The following RYR3 variants were observed in gnomAD, a reference collection of about 807,000 sequenced individuals.
RYR3 encodes the protein brain ryanodine receptor-calcium release channel.
In RYR3, 207 loss-of-function variants were observed where a neutral mutation model predicts 584.3. The ratio of observed to expected loss-of-function variants is 0.35; its 90% CI spans 0.32 to 0.40. The LOEUF (loss-of-function observed/expected upper bound fraction) is 0.40, where lower values mean the gene tolerates loss of function less well. Among genes scored for constraint, RYR3 ranks in the 10% least tolerant of loss-of-function variants. The pLI is 1.00. For missense variants in RYR3, 5,616 were observed against 6,089.2 expected (o/e 0.92, Z 2.59); for synonymous variants, 2,416 against 2,248.5 (o/e 1.07, Z -2.11).
chr15:33,480,677 A>G (rs1305625565), intron 2 of RYR3, among the ~76,000 whole-genome samples: 2 of 152,168 alleles, frequency 1.3e-5, no homozygotes, highest in Non-Finnish European at 2.9e-5. Context: ...ATTGTTACTA[A>G]TTTTTATTTT....
chr15:33,371,568 T>C (rs2040333264), intron 1 of RYR3, among the ~76,000 whole-genome samples: 1 of 152,204 alleles, frequency 6.6e-6, no homozygotes, highest in Non-Finnish European at 1.5e-5. Context: ...CTGTCCATGA[T>C]CTAAGCTTTA....
intron 2 of RYR3, among the ~76,000 whole-genome samples, chr15:33,493,859 A>T (rs2051183059): frequency 6.6e-6 from 1 of 152,166 alleles, no homozygotes; most frequent in South Asian, 2.1e-4. Flanking sequence ...GAGGCGGGAG[A>T]GTCTCTTGAG....
At chr15:33,433,222 G>A (rs1206443929) in intron 1 of RYR3, among the ~76,000 whole-genome samples, 2 of 152,122 alleles carry the variant, frequency 1.3e-5, no homozygotes, top group African/African-American at 2.4e-5. Flanking sequence ...GGACCGAGGG[G>A]TCCCTATACT....
intron 22 of RYR3, 93 bp from the exon 23 acceptor site, chr15:33,631,117 C>T: frequency 1.3e-6 from 1 of 768,330 alleles, no homozygotes; most frequent in Non-Finnish European, 2.1e-6. Context: ...AAATGAATGG[C>T]TCTTGTCTGT....
chr15:33,450,439 G>A (rs1257660178), intron 1 of RYR3, among the ~76,000 whole-genome samples: 9 of 152,092 alleles, frequency 5.9e-5, no homozygotes, highest in East Asian at 5.8e-4. Flanking sequence ...CGCTTCTGCC[G>A]CCCGCCCTCA....
intron 67 of RYR3, among the ~76,000 whole-genome samples, chr15:33,799,273 G>A (rs908046575): frequency 6.6e-6 from 1 of 152,148 alleles, no homozygotes; most frequent in Non-Finnish European, 1.5e-5. Context: ...TTGGAGAATG[G>A]AGACTGGTTG....
chr15:33,435,623 TTCTTGC>T (rs1387949611), intron 1 of RYR3, among the ~76,000 whole-genome samples: 2 of 152,206 alleles, frequency 1.3e-5, no homozygotes, highest in African/African-American at 2.4e-5. Context: ...TTCTCATGGG[TTCTTGC>T]TCTTGCTAAC....
chr15:33,634,971 G>A (rs549095237), intron 25 of RYR3, among the ~76,000 whole-genome samples: 1 of 152,142 alleles, frequency 6.6e-6, no homozygotes, highest in African/African-American at 2.4e-5. Context: ...TTCCCACAAC[G>A]AATAGGTTAT....
At chr15:33,613,518 A>C in intron 19 of RYR3, 143 bp downstream of exon 19, 1 of 789,566 alleles carries the variant, frequency 1.3e-6, no homozygotes, top group Non-Finnish European at 1.9e-6. Flanking sequence ...CAAGGGCAAG[A>C]GCCAACTAGA....
In RYR3 at chr15:33,636,545, A is replaced by G; in HGVS notation, c.3551A>G (p.Glu1184Gly). 1 of 1,585,614 alleles carries G rather than the reference A, an allele frequency of 6.3e-7. No individual in the cohort carries two copies. The highest frequency in any genetic ancestry group is 8.6e-7 in the Non-Finnish European group (1 of 1,167,156). Residue 1184 changes from glutamate (E) to glycine (G), a missense_variant, in exon 27 of 104, where the codon GAG (glutamate) becomes GGG (glycine). This residue lies in a region of RYR3 where 152 missense variants were observed against 200.9 expected (regional missense o/e 0.76). Coordinates refer to ENST00000634891, the MANE Select transcript of RYR3 (RefSeq NM_001036.6). ...CTTGCCTTCGCTGACTACGAGATTG[A>G]GAATGGTAAATCTAACACCCTCTGC... ...SELAFADYEI[E>G]NGFVPICCLG...
chr15:33,538,595 T>C (rs926340493), intron 5 of RYR3, among the ~76,000 whole-genome samples: 4 of 152,212 alleles, frequency 2.6e-5, no homozygotes, highest in Non-Finnish European at 4.4e-5. Context: ...GTCTTCTGGC[T>C]GTTCAGGGCA....
chr15:33,454,991 G>A (rs999990094), intron 1 of RYR3, among the ~76,000 whole-genome samples: 10 of 152,210 alleles, frequency 6.6e-5, no homozygotes, highest in African/African-American at 1.9e-4. Flanking sequence ...GCATATCACT[G>A]TGTCTGGAGC....
chr15:33,598,246 CA>C (rs35785154), intron 16 of RYR3, among the ~76,000 whole-genome samples: 39 of 74,278 alleles, frequency 5.3e-4, no homozygotes, highest in East Asian at 9.4e-4. Flanking sequence ...AAAAATTGCT[CA>C]AAAAAAAAAA....
chr15:33,736,542 C>CACTG (rs1285549772), intron 49 of RYR3, among the ~76,000 whole-genome samples: 1 of 152,160 alleles, frequency 6.6e-6, no homozygotes, highest in African/African-American at 2.4e-5. Flanking sequence ...AACTGCTTTC[C>CACTG]ACTGACTGCT....
intron 63 of RYR3, among the ~76,000 whole-genome samples, chr15:33,773,234 C>T (rs1172129852): frequency 6.6e-6 from 1 of 152,218 alleles, no homozygotes; most frequent in East Asian, 1.9e-4. Flanking sequence ...CGAACCAAAT[C>T]GCATTATGGA....
At chr15:33,464,490 A>ATATATATAGATATATATATATATATAT (rs1567295722) in intron 1 of RYR3, among the ~76,000 whole-genome samples, 1 of 58,894 alleles carries the variant, frequency 1.7e-5, no homozygotes, top group Non-Finnish European at 2.9e-5. Context: ...ATATATATAT[A>ATATATATAGATATATATATATATATAT]CACATATATA....
At chr15:33,405,158 C>G (rs1198674052) in intron 1 of RYR3, among the ~76,000 whole-genome samples, 2 of 152,102 alleles carry the variant, frequency 1.3e-5, no homozygotes, top group Non-Finnish European at 2.9e-5. Context: ...ACATATAAAA[C>G]TTTGGTTTTC....
At chr15:33,802,134 A>C (rs745908138) in intron 69 of RYR3, 173 bp downstream of exon 69, 1 of 753,784 alleles carries the variant, frequency 1.3e-6, no homozygotes, top group South Asian at 1.4e-5. Flanking sequence ...CTGCTCTCAA[A>C]TAAGCATGGT....
intron 27 of RYR3, among the ~76,000 whole-genome samples, chr15:33,640,549 T>G (rs1263422272): frequency 2.0e-5 from 3 of 152,210 alleles, no homozygotes; most frequent in Non-Finnish European, 2.9e-5. Flanking sequence ...TAAAATGGAT[T>G]GAAAGTGGAT....
Sources: gnomAD v4.1 joint callset for allele counts (sites outside exome capture counted in the v4.1 genomes callset) on GRCh38, gnomAD v4.1.1 for gene constraint, gnomAD v4.1.1 regional missense constraint, MANE v1.5 for transcripts, NCBI Gene and HGNC (gene_info 2026-07-23, HGNC 2026-07-21) for gene names.